MDGA2: variants seen among roughly 807,000 people sequenced by gnomAD.
MDGA2 encodes the protein MAM domain-containing glycosylphosphatidylinositol anchor protein 2.
Under a neutral mutation model 117.8 loss-of-function variants are expected in MDGA2, and 40 were observed. The ratio of observed to expected loss-of-function variants is 0.34; its 90% CI spans 0.26 to 0.44. The LOEUF (loss-of-function observed/expected upper bound fraction) is 0.44. MDGA2 is among the 20% of genes least tolerant of loss of function. The pLI, the probability that MDGA2 is intolerant of heterozygous loss-of-function variation, is 1.00. For missense variants in MDGA2, 1,123 were observed against 1,250.6 expected (o/e 0.90, Z 1.54); for synonymous variants, 452 against 439.0 (o/e 1.03, Z -0.37).
chr14:47,031,874 TTCCAGAAGCCTC>T (rs1888676765), intron 8 of MDGA2, among the ~76,000 whole-genome samples: 1 of 152,212 alleles, frequency 6.6e-6, no homozygotes, highest in African/African-American at 2.4e-5. Flanking sequence ...GATTGTAAGC[TTCCAGAAGCCTC>T]TCCAGAAGCA....
intron 8 of MDGA2, among the ~76,000 whole-genome samples, chr14:47,003,670 A>G (rs932885874): frequency 2.0e-5 from 3 of 152,014 alleles, no homozygotes; most frequent in Non-Finnish European, 4.4e-5. Context: ...CTGAGTTTTG[A>G]AAATTCTTTA....
chr14:46,984,099 T>C (rs1886781187), intron 8 of MDGA2, among the ~76,000 whole-genome samples: 1 of 151,984 alleles, frequency 6.6e-6, no homozygotes, highest in African/African-American at 2.4e-5. Flanking sequence ...AACTCTAGAT[T>C]CCAACCCCCA....
chr14:47,224,379 G>T (rs1465091040), intron 2 of MDGA2, among the ~76,000 whole-genome samples: 1 of 148,518 alleles, frequency 6.7e-6, no homozygotes, highest in Non-Finnish European at 1.5e-5. Context: ...AATCTGTATT[G>T]ACTGAGATAA....
chr14:47,443,516 T>C (rs1225191392), intron 1 of MDGA2, among the ~76,000 whole-genome samples: 2 of 152,160 alleles, frequency 1.3e-5, no homozygotes, highest in African/African-American at 2.4e-5. Context: ...CTTTTCTATA[T>C]ATGTATTTGT....
At chr14:47,571,618 G>T (rs1346117900) in intron 1 of MDGA2, among the ~76,000 whole-genome samples, 3 of 152,084 alleles carry the variant, frequency 2.0e-5, no homozygotes, top group Non-Finnish European at 4.4e-5. Context: ...CATGGATGAA[G>T]CTGGAAACCA....
Position 47,301,534 on chromosome 14 carries a change from A to G in MDGA2, c.297T>C (p.Arg99=). The change falls in exon 2 of 17, where the codon CGT becomes CGC. Residue 99 remains arginine, a synonymous_variant. Coordinates refer to ENST00000399232, the MANE Select transcript of MDGA2 (RefSeq NM_001113498.3). ...TACAGGCCAAGCCTGAGTGCACAAT[A>G]CGAACCGTGGGAGGAGCTGTCGAGT... ...GQGVYAPPTV[R]IVHSGLACNI... is the part of the protein sequence containing the mutation. 6.4e-7 allele frequency: 1 copy of G among 1,551,634 alleles called. No homozygotes were observed. Among genetic ancestry groups the G allele is most frequent in the South Asian group, 1.2e-5 (1 of 84,064 alleles).
chr14:47,167,362 C>A (rs1464249728), intron 3 of MDGA2, among the ~76,000 whole-genome samples: 2 of 152,166 alleles, frequency 1.3e-5, no homozygotes, highest in African/African-American at 4.8e-5. Context: ...AGATACTTAA[C>A]CTCTCTGTGT....
At position 47,161,503 on chromosome 14, in the gene MDGA2, T is replaced by TTA. The variant is rs199951189; in HGVS notation, c.596-17231_596-17230dup. 8.8e-3 allele frequency among the ~76,000 whole-genome samples: 1,342 copies of TTA among 151,826 alleles called. 3 individuals are homozygous for TTA. The highest frequency in any genetic ancestry group is 0.014 in the Middle Eastern group (4 of 288). ...AATATTTACATATTAGAATGTAAGGTTATATATATATTTCAACTTAATGTA... is the reference window on the plus strand; with the variant it reads ...AATATTTACATATTAGAATGTAAGGTTATATATATATATTTCAACTTAATGTA... On this transcript the variant is annotated intron_variant, in intron 3 of 16. Transcript: ENST00000399232.
At chr14:46,936,523 G>A (rs969260439) in intron 9 of MDGA2, among the ~76,000 whole-genome samples, 2 of 151,794 alleles carry the variant, frequency 1.3e-5, no homozygotes, top group Non-Finnish European at 2.9e-5. Context: ...AACCAAACAA[G>A]GGAAAAATCT....
intron 1 of MDGA2, among the ~76,000 whole-genome samples, chr14:47,489,244 C>T (rs1894119113): frequency 6.6e-6 from 1 of 151,978 alleles, no homozygotes; most frequent in Admixed American, 6.6e-5. Flanking sequence ...AACTAGCACT[C>T]TCAAACACAT....
chr14:47,629,520 T>C (rs1389471188), intron 1 of MDGA2, among the ~76,000 whole-genome samples: 4 of 152,182 alleles, frequency 2.6e-5, no homozygotes, highest in Admixed American at 2.6e-4. Flanking sequence ...ACGGGAGATC[T>C]TCCATATAAA....
At position 46,840,891 on chromosome 14, in the gene MDGA2, CGAAAGGCCAT is replaced by C. The variant is rs1413967693; in HGVS notation, c.*1030_*1039del. On this transcript the variant is annotated 3_prime_UTR_variant, in exon 17 of 17. Transcript: ENST00000399232. Reference sequence around the variant, plus strand: ...AGTGATTTTCTAATGGACAATAAGCCGAAAGGCCATGGCTGTCTAGGAGGTTAAACAACAA... The same window carrying C: ...AGTGATTTTCTAATGGACAATAAGCCGGCTGTCTAGGAGGTTAAACAACAA... 1.3e-5 allele frequency: 2 copies of C among 152,552 alleles called. No individual in the cohort carries two copies. The highest frequency in any genetic ancestry group is 2.9e-5 in the Non-Finnish European group (2 of 68,014). 9.4% of individuals were successfully genotyped at this position (152,552 alleles called of 1,614,324 possible).
intron 1 of MDGA2, among the ~76,000 whole-genome samples, chr14:47,553,310 C>G (rs1295940220): frequency 1.3e-5 from 2 of 152,130 alleles, no homozygotes; most frequent in Non-Finnish European, 2.9e-5. Context: ...GAATAGATGT[C>G]TAAAAAACAT....
At chr14:46,871,342 A>G (rs929683723) in intron 14 of MDGA2, 1 of 151,988 alleles carries the variant, frequency 6.6e-6, no homozygotes, top group Admixed American at 6.6e-5. Context: ...AAATCTTCCA[A>G]CAAGTGTTCC....
chr14:46,859,485 AC>A (rs1566494597), intron 14 of MDGA2, among the ~76,000 whole-genome samples: 1 of 152,128 alleles, frequency 6.6e-6, no homozygotes, highest in Non-Finnish European at 1.5e-5. Context: ...ATTGTACAGT[AC>A]ACTAATCTTT....
chr14:47,553,941 G>T (rs989262741), intron 1 of MDGA2, among the ~76,000 whole-genome samples: 1 of 152,152 alleles, frequency 6.6e-6, no homozygotes, highest in Middle Eastern at 3.4e-3. Flanking sequence ...TTTTCAGGTG[G>T]GAAAACAGCA....
chr14:46,981,717 G>A (rs1245734174), intron 8 of MDGA2, among the ~76,000 whole-genome samples: 4 of 152,190 alleles, frequency 2.6e-5, no homozygotes, highest in Non-Finnish European at 5.9e-5. Context: ...GACCTGTTTT[G>A]TAAACAAGCT....
chr14:46,898,665 G>T (rs966590812), intron 10 of MDGA2, among the ~76,000 whole-genome samples: 1 of 152,030 alleles, frequency 6.6e-6, no homozygotes, highest in African/African-American at 2.4e-5. Flanking sequence ...CATATTGTGT[G>T]TTGGCTCCTT....
intron 1 of MDGA2, among the ~76,000 whole-genome samples, chr14:47,376,922 T>G (rs947624465): frequency 5.3e-5 from 8 of 152,182 alleles, no homozygotes; most frequent in Admixed American, 3.9e-4. Flanking sequence ...ACATGCTATC[T>G]ACTCCACATG....
Sources: gnomAD v4.1 joint callset for allele counts (sites outside exome capture counted in the v4.1 genomes callset) on GRCh38, gnomAD v4.1.1 for gene constraint, MANE v1.5 for transcripts, NCBI Gene and HGNC (gene_info 2026-07-23, HGNC 2026-07-21) for gene names.